The following PGM5 variants were observed in gnomAD, a reference collection of about 807,000 sequenced individuals.
The protein encoded by PGM5 is phosphoglucomutase 5.
Under a neutral mutation model 59.2 loss-of-function variants are expected in PGM5, and 23 were observed. The ratio of observed to expected loss-of-function variants is 0.39; its 90% CI spans 0.28 to 0.55. The LOEUF (loss-of-function observed/expected upper bound fraction) is 0.55, where lower values mean the gene tolerates loss of function less well. Among genes scored for constraint, PGM5 ranks in the 20% least tolerant of loss-of-function variants. The probability of loss-of-function intolerance (pLI) is 0.66; values close to 1 mark genes in which losing one functional copy is unlikely to be tolerated. For synonymous variants in PGM5, 214 were observed against 286.0 expected (o/e 0.75, Z 2.54); for missense variants, 574 against 748.3 (o/e 0.77, Z 2.72).
At chr9:68,372,103 C>G (rs1181302766) in intron 1 of PGM5, among the ~76,000 whole-genome samples, 3 of 145,480 alleles carry the variant, frequency 2.1e-5, no homozygotes, top group Non-Finnish European at 4.4e-5. Flanking sequence ...CTAATACAAA[C>G]TTTGTATTAG....
chr9:68,504,143 A>G (rs1468115682), intron 10 of PGM5, among the ~76,000 whole-genome samples: 1 of 152,140 alleles, frequency 6.6e-6, no homozygotes, highest in African/African-American at 2.4e-5. Flanking sequence ...CCACACATCG[A>G]TCTCTGTCTT....
intron 10 of PGM5, among the ~76,000 whole-genome samples, chr9:68,525,231 A>G (rs1053488683): frequency 2.6e-5 from 4 of 152,210 alleles, no homozygotes; most frequent in African/African-American, 9.7e-5. Flanking sequence ...GAATGCCCAC[A>G]GGAGTCTCTA....
intron 10 of PGM5, 83 bp downstream of exon 10, chr9:68,499,444 A>G: frequency 7.3e-7 from 1 of 1,366,628 alleles, no homozygotes; most frequent in Non-Finnish European, 1.0e-6. Context: ...TAGTGGGGCT[A>G]TTTTACCTCC....
At chr9:68,492,816 A>G (rs1457931647) in intron 9 of PGM5, among the ~76,000 whole-genome samples, 1 of 152,198 alleles carries the variant, frequency 6.6e-6, no homozygotes, top group Non-Finnish European at 1.5e-5. Context: ...GTGTGTGTGG[A>G]AAGATACGTC....
chr9:68,505,053 T>C (rs1399634619), intron 10 of PGM5, among the ~76,000 whole-genome samples: 1 of 152,200 alleles, frequency 6.6e-6, no homozygotes, highest in African/African-American at 2.4e-5. Flanking sequence ...CTTTATCTTA[T>C]TCATCGTTCC....
chr9:68,504,461 T>G (rs1824625416), intron 10 of PGM5, among the ~76,000 whole-genome samples: 1 of 152,190 alleles, frequency 6.6e-6, no homozygotes, highest in South Asian at 2.1e-4. Flanking sequence ...ATTTCCTATC[T>G]CTTTTCCTGC....
chr9:68,498,474 G>A (rs1964619), intron 9 of PGM5: 109,308 of 152,012 alleles, frequency 0.72, 39,954 homozygotes, highest in East Asian at 0.99. Context: ...ATGAATGACT[G>A]TTTTTCCCTA....
intron 2 of PGM5, among the ~76,000 whole-genome samples, chr9:68,380,527 G>T (rs1315335333): frequency 6.6e-6 from 1 of 151,830 alleles, no homozygotes; most frequent in African/African-American, 2.4e-5. Context: ...CTAACATTAT[G>T]CCCCAAGGAG....
At chr9:68,382,593 T>C (rs1442444150) in intron 2 of PGM5, among the ~76,000 whole-genome samples, 1 of 151,764 alleles carries the variant, frequency 6.6e-6, no homozygotes, top group Non-Finnish European at 1.5e-5. Flanking sequence ...CTGGGTATTC[T>C]TTTTTAGCAT....
chr9:68,517,292 T>C (rs1824838321), intron 10 of PGM5, among the ~76,000 whole-genome samples: 4 of 152,202 alleles, frequency 2.6e-5, no homozygotes, highest in South Asian at 4.1e-4. Context: ...ACTCCCCAAA[T>C]GGTTGCTGGG....
rs2482228 is a variant in PGM5 at position 68,359,867 on chromosome 9, T to A, written c.261+2479T>A. On this transcript the variant is annotated intron_variant, in intron 1 of 10. Coordinates refer to ENST00000396396, the MANE Select transcript of PGM5 (RefSeq NM_021965.4). ...AATTAAATTTCATTTTTTTTGAGAC[T>A]GGGTCTCACTTTGTTGCCCAGGCTG... 3.0e-3 allele frequency among the ~76,000 whole-genome samples: 454 copies of A among 152,290 alleles called. 3 individuals are homozygous for A. The highest frequency in any genetic ancestry group is 0.01 in the African/African-American group (430 of 41,566).
chr9:68,507,030 G>T (rs1163485940), intron 10 of PGM5, among the ~76,000 whole-genome samples: 1 of 152,084 alleles, frequency 6.6e-6, no homozygotes, highest in Non-Finnish European at 1.5e-5. Flanking sequence ...AAAAGATGTT[G>T]TTATTTAAAA....
intron 6 of PGM5, among the ~76,000 whole-genome samples, chr9:68,422,691 A>T (rs1213959198): frequency 6.6e-6 from 1 of 152,194 alleles, no homozygotes; most frequent in Non-Finnish European, 1.5e-5. Context: ...GAAAATAAGT[A>T]ATGTGATAAA....
intron 6 of PGM5, 127 bp from the exon 7 acceptor site, chr9:68,464,966 A>G (rs1823910110): frequency 3.5e-6 from 2 of 570,814 alleles, no homozygotes; most frequent in Non-Finnish European, 6.3e-6. Context: ...AAATCTGTCA[A>G]CACTACCCAG....
chr9:68,431,427 G>T (rs1823345118), intron 6 of PGM5, among the ~76,000 whole-genome samples: 2 of 152,176 alleles, frequency 1.3e-5, no homozygotes, highest in Admixed American at 1.3e-4. Flanking sequence ...GGCCTTGAGG[G>T]TTCAGAGTGA....
intron 1 of PGM5, among the ~76,000 whole-genome samples, chr9:68,373,909 G>C (rs568354994): frequency 6.6e-6 from 1 of 152,216 alleles, no homozygotes; most frequent in Non-Finnish European, 1.5e-5. Context: ...GAAATAAGCA[G>C]TGTAGAGATG....
At chr9:68,453,857 T>C (rs1554684598) in intron 6 of PGM5, among the ~76,000 whole-genome samples, 1 of 152,200 alleles carries the variant, frequency 6.6e-6, no homozygotes, top group Non-Finnish European at 1.5e-5. Flanking sequence ...CAATATCCTG[T>C]GCTGAGTGTC....
At chr9:68,468,545 A>G (rs1226556855) in intron 7 of PGM5, among the ~76,000 whole-genome samples, 2 of 152,176 alleles carry the variant, frequency 1.3e-5, no homozygotes, top group Admixed American at 1.3e-4. Flanking sequence ...CAATTCAATA[A>G]ACATTTACTC....
chr9:68,413,273 G>A (rs1250173311), intron 6 of PGM5, among the ~76,000 whole-genome samples: 2 of 152,032 alleles, frequency 1.3e-5, no homozygotes, highest in East Asian at 3.9e-4. Context: ...AATTACGAGT[G>A]TAACAGTTCT....
Sources: allele counts gnomAD v4.1 joint callset (sites outside exome capture counted in the v4.1 genomes callset), GRCh38; gene constraint gnomAD v4.1.1; transcripts MANE v1.5; gene names NCBI Gene and HGNC (gene_info 2026-07-23, HGNC 2026-07-21).